The following EFCAB6 variants were observed in gnomAD, a reference collection of about 807,000 sequenced individuals.
EFCAB6 encodes the protein EF-hand calcium-binding domain-containing protein 6.
In EFCAB6, 156 loss-of-function variants were observed where a neutral mutation model predicts 169.8. The ratio of observed to expected loss-of-function variants is 0.92; its 90% CI spans 0.81 to 1.05. EFCAB6 has a LOEUF of 1.05. EFCAB6 is among the 50% of genes least tolerant of loss of function. EFCAB6 has a pLI of 0.00. For missense variants in EFCAB6, 1,800 were observed against 1,829.1 expected (o/e 0.98, Z 0.29); for synonymous variants, 698 against 676.4 (o/e 1.03, Z -0.50).
chr22:43,740,196 CA>C (rs904969390), intron 6 of EFCAB6, among the ~76,000 whole-genome samples: 2 of 152,164 alleles, frequency 1.3e-5, no homozygotes, highest in Non-Finnish European at 2.9e-5. Flanking sequence ...AGTCACCATG[CA>C]AATTAGGACT....
chr22:43,651,938 A>C (rs1335247592), intron 17 of EFCAB6, among the ~76,000 whole-genome samples: 1 of 152,226 alleles, frequency 6.6e-6, no homozygotes, highest in Non-Finnish European at 1.5e-5. Context: ...TCTAGGAAGC[A>C]ACTAACTTGC....
rs116022134 is a variant in EFCAB6 at position 43,690,647 on chromosome 22, G to T, written c.1032-3066C>A. Among the ~76,000 whole-genome samples the T allele has an allele frequency of 8.8e-3, 1,336 of 151,970 alleles. 20 individuals are homozygous for T. The highest frequency in any genetic ancestry group is 0.031 in the African/African-American group (1,291 of 41,448). On this transcript the variant is annotated intron_variant, in intron 10 of 31. Coordinates refer to ENST00000262726, the MANE Select transcript of EFCAB6 (RefSeq NM_022785.4). ...TACAAGCCTGCAATGGTGTGGCCCT[G>T]CTCACCTCCCTAGCCTCACCCCATG...
chr22:43,654,258 T>A (rs993958624), intron 17 of EFCAB6, among the ~76,000 whole-genome samples: 2 of 152,048 alleles, frequency 1.3e-5, no homozygotes, highest in Non-Finnish European at 2.9e-5. Flanking sequence ...TGTTGTGGCT[T>A]GAAAGAGCTG....
At position 43,589,320 on chromosome 22, in the gene EFCAB6, A is replaced by AAAAAAG. The variant is rs1569207678; in HGVS notation, c.3032+753_3032+754insCTTTTT. Among the ~76,000 whole-genome samples the AAAAAAG allele has an allele frequency of 1.8e-3, 110 of 59,838 alleles. 11 individuals are homozygous for AAAAAAG. Among genetic ancestry groups the AAAAAAG allele is most frequent in the Middle Eastern group, 8.9e-3 (1 of 112 alleles). 39.3% of individuals were successfully genotyped at this position (59,838 alleles called of 152,430 possible). A position where few individuals can be genotyped will look rare whatever the true frequency, so the allele number is the denominator to read the frequency against. ...AAAAAAAAAAAAAAAAAAAAAAAAA[A>AAAAAAG]AGAAGTACAGGTACATTCACTATCA... On this transcript the variant is annotated intron_variant, in intron 24 of 31. Transcript: ENST00000262726.
Position 43,590,355 on chromosome 22 carries a change from T to C in EFCAB6, c.2877-126A>G, listed in dbSNP as rs1196521914. 1.9e-5 allele frequency: 20 copies of C among 1,076,542 alleles called. No homozygotes were observed. The Middle Eastern group carries it at 1.7e-3, about 94-fold the overall frequency. The allele number at this position is 1,076,542 out of a possible 1,614,324, so 66.7% of individuals were successfully genotyped here. On this transcript the variant is annotated intron_variant, in intron 23 of 31. Coordinates refer to ENST00000262726, the MANE Select transcript of EFCAB6 (RefSeq NM_022785.4). ...CTCATCTAAGAACTAATTTTGAAGA[T>C]GTTTTACAGCCTCAGTGTAATACTG...
At chr22:43,758,748 G>T (rs1603339675) in intron 5 of EFCAB6, among the ~76,000 whole-genome samples, 3 of 152,156 alleles carry the variant, frequency 2.0e-5, no homozygotes, top group East Asian at 3.9e-4. Context: ...GTCAAGATCT[G>T]CAGGAGATTA....
rs1293074131 is a variant in EFCAB6 at position 43,580,642 on chromosome 22, T to C, written c.3050A>G (p.His1017Arg). Residue 1017 changes from histidine to arginine, a missense_variant, in exon 25 of 32, where the codon CAT becomes CGT. Transcript: ENST00000262726. ...HLLNSWGVSR[H>R]DNAINYLDFL... ...GTCGAGGTAATTGATAGCATTATCA[T>C]GCCGGCTGACTCCCCAACTTGTCCC... 1.2e-6 allele frequency: 2 copies of C among 1,614,002 alleles called. No individual in the cohort carries two copies. The highest frequency in any genetic ancestry group is 2.2e-5 in the East Asian group (1 of 44,898).
chr22:43,653,783 G>A (rs1297601597), intron 17 of EFCAB6, among the ~76,000 whole-genome samples: 1 of 152,102 alleles, frequency 6.6e-6, no homozygotes, highest in Non-Finnish European at 1.5e-5. Flanking sequence ...GTCTTTGGAG[G>A]AAGGGGCAGG....
intron 10 of EFCAB6, among the ~76,000 whole-genome samples, chr22:43,704,853 A>G (rs1264163572): frequency 6.6e-6 from 1 of 152,128 alleles, no homozygotes; most frequent in African/African-American, 2.4e-5. Context: ...AATGCCTACA[A>G]AACAACCAGA....
At chr22:43,727,756 C>T (rs1006311761) in intron 8 of EFCAB6, among the ~76,000 whole-genome samples, 4 of 152,108 alleles carry the variant, frequency 2.6e-5, no homozygotes, top group Admixed American at 6.5e-5. Context: ...GTCTGCTTTG[C>T]ATTGCTATCA....
chr22:43,784,431 G>T (rs1420410545), intron 2 of EFCAB6, among the ~76,000 whole-genome samples: 1 of 148,742 alleles, frequency 6.7e-6, no homozygotes, highest in Non-Finnish European at 1.5e-5. Context: ...CAGGAGAACT[G>T]CTTGAGGCCA....
At chr22:43,630,683 C>T (rs2054877636) in intron 19 of EFCAB6, among the ~76,000 whole-genome samples, 1 of 152,198 alleles carries the variant, frequency 6.6e-6, no homozygotes, top group Admixed American at 6.5e-5. Context: ...CCTTTGCCTC[C>T]GTTCTGCTCT....
At chr22:43,604,376 G>A (rs1422097289) in intron 22 of EFCAB6, among the ~76,000 whole-genome samples, 2 of 152,016 alleles carry the variant, frequency 1.3e-5, no homozygotes, top group Admixed American at 6.6e-5. Flanking sequence ...AGTAAAAAGG[G>A]GGCTAGCCTT....
In EFCAB6 at chr22:43,687,573, A is replaced by T; in HGVS notation, c.1040T>A (p.Leu347His). 6.3e-7 allele frequency: 1 copy of T among 1,587,634 alleles called. No homozygotes were observed. Among genetic ancestry groups the T allele is most frequent in the Admixed American group, 1.8e-5 (1 of 56,274 alleles). Residue 347 changes from leucine (L) to histidine (H), a missense_variant, in exon 11 of 32, where the codon CTT becomes CAT. Transcript: ENST00000262726. ...CCAATTGATTTTAGTGGTGGCTTTA[A>T]GTCCAAATCTGGATTTAAAAGTAAC... The part of the protein sequence containing the change: ...IFIQLMKRFG[L>H]KATTKINWKQ...
intron 22 of EFCAB6, among the ~76,000 whole-genome samples, chr22:43,605,193 C>T (rs535297890): frequency 4.5e-4 from 69 of 152,326 alleles, no homozygotes; most frequent in African/African-American, 1.6e-3. Flanking sequence ...CTCTATCCTG[C>T]TTCTAACCAC....
In EFCAB6 at chr22:43,795,186, A is replaced by G. The variant is rs1451435484; in HGVS notation, c.-7-12861T>C. 6.6e-6 allele frequency among the ~76,000 whole-genome samples: 1 copy of G among 152,252 alleles called. No homozygotes were observed. The highest frequency in any genetic ancestry group is 1.5e-5 in the Non-Finnish European group (1 of 68,048). Reference sequence around the variant, plus strand: ...TTTAATGGAGTAGGATATCACTGCTATAACTGGTAACTAGAAAATATGTAG... The same window carrying G: ...TTTAATGGAGTAGGATATCACTGCTGTAACTGGTAACTAGAAAATATGTAG... On this transcript the variant is annotated intron_variant, in intron 2 of 31. Coordinates refer to ENST00000262726, the MANE Select transcript of EFCAB6 (RefSeq NM_022785.4). This position sits in a 1 kb window ranked among gnomAD's most constrained non-coding sequence, Gnocchi z 4.2.
intron 8 of EFCAB6, among the ~76,000 whole-genome samples, chr22:43,722,856 C>T (rs1174716011): frequency 6.6e-6 from 1 of 152,118 alleles, no homozygotes; most frequent in Non-Finnish European, 1.5e-5. Flanking sequence ...GGATATACCA[C>T]AGAATACCAC....
intron 17 of EFCAB6, among the ~76,000 whole-genome samples, chr22:43,641,353 C>T (rs2055785086): frequency 6.6e-6 from 1 of 152,174 alleles, no homozygotes; most frequent in South Asian, 2.1e-4. Context: ...CAGCGGCTCA[C>T]ACCTGTAATC....
intron 20 of EFCAB6, among the ~76,000 whole-genome samples, chr22:43,622,019 A>C (rs368672519): frequency 5.9e-5 from 9 of 152,348 alleles, no homozygotes; most frequent in Admixed American, 6.5e-5. Flanking sequence ...ATAACTATTA[A>C]ATTAACTGGA....
Sources: allele counts gnomAD v4.1 joint callset (sites outside exome capture counted in the v4.1 genomes callset), GRCh38; gene constraint gnomAD v4.1.1; non-coding constraint Gnocchi (gnomAD v3.1); transcripts MANE v1.5; gene names NCBI Gene and HGNC (gene_info 2026-07-23, HGNC 2026-07-21).